The following MYRIP variants were observed in gnomAD, a reference collection of about 807,000 sequenced individuals.
The protein encoded by MYRIP is rab effector MyRIP.
In MYRIP, 49 loss-of-function variants were observed where a neutral mutation model predicts 98.0. The ratio of observed to expected loss-of-function variants is 0.50; its 90% CI spans 0.40 to 0.63. MYRIP has a LOEUF of 0.63. Ranked by LOEUF, MYRIP falls within the 30% of genes least tolerant of loss-of-function variation. The pLI is 0.00. For synonymous variants in MYRIP, 404 were observed against 409.5 expected (o/e 0.99, Z 0.16); for missense variants, 1,004 against 1,058.2 (o/e 0.95, Z 0.71).
At chr3:40,200,213 A>T (rs2125645226) in intron 10 of MYRIP, among the ~76,000 whole-genome samples, 1 of 151,402 alleles carries the variant, frequency 6.6e-6, no homozygotes, top group South Asian at 2.1e-4. Flanking sequence ...ACAGTGGAAG[A>T]AGAAGAATTG....
chr3:39,816,395 C>T (rs552944684), intron 1 of MYRIP, among the ~76,000 whole-genome samples: 14 of 152,196 alleles, frequency 9.2e-5, no homozygotes, highest in Non-Finnish European at 1.8e-4. Flanking sequence ...TTTGCCTTTT[C>T]AAATCATACT....
chr3:40,181,324 T>C (rs1950878600), intron 8 of MYRIP, among the ~76,000 whole-genome samples: 2 of 152,094 alleles, frequency 1.3e-5, no homozygotes, highest in South Asian at 4.1e-4. Flanking sequence ...TCTCCTAGGC[T>C]AGGTACCTGT....
intron 1 of MYRIP, among the ~76,000 whole-genome samples, chr3:39,826,568 A>C (rs1272055216): frequency 6.6e-6 from 1 of 152,156 alleles, no homozygotes; most frequent in Non-Finnish European, 1.5e-5. Flanking sequence ...TTTGTGTCCT[A>C]ACATATGGTC....
chr3:39,875,428 A>G (rs1354496759), intron 1 of MYRIP, among the ~76,000 whole-genome samples: 1 of 150,358 alleles, frequency 6.7e-6, no homozygotes, highest in East Asian at 2.0e-4. Context: ...TTTAATTGTG[A>G]TGTTAGGGTG....
chr3:40,119,266 G>A (rs904449921), intron 3 of MYRIP, among the ~76,000 whole-genome samples: 1 of 151,908 alleles, frequency 6.6e-6, no homozygotes, highest in Admixed American at 6.6e-5. Flanking sequence ...TTTAATGATT[G>A]CCATTCTAAC....
chr3:40,046,811 C>T (rs1024860536), intron 3 of MYRIP, among the ~76,000 whole-genome samples: 2 of 151,968 alleles, frequency 1.3e-5, no homozygotes, highest in African/African-American at 2.4e-5. Flanking sequence ...TGTGCTTCAG[C>T]ATATTCCCCC....
At chr3:39,845,079 G>A (rs1941921393) in intron 1 of MYRIP, among the ~76,000 whole-genome samples, 1 of 152,120 alleles carries the variant, frequency 6.6e-6, no homozygotes, top group African/African-American at 2.4e-5. Flanking sequence ...CCTCTTTTTT[G>A]ACTGAAAGGC....
intron 1 of MYRIP, among the ~76,000 whole-genome samples, chr3:39,835,529 G>A (rs2125588637): frequency 6.6e-6 from 1 of 152,156 alleles, no homozygotes; most frequent in East Asian, 1.9e-4. Flanking sequence ...TATAATTTTT[G>A]ATGCTACAGA....
intron 1 of MYRIP, among the ~76,000 whole-genome samples, chr3:39,833,308 G>C (rs1244923767): frequency 6.6e-6 from 1 of 152,032 alleles, no homozygotes; most frequent in South Asian, 2.1e-4. Context: ...TGGGTTGGGG[G>C]GTTAATGAAA....
chr3:40,164,011 A>G (rs901473096), intron 5 of MYRIP, among the ~76,000 whole-genome samples: 6 of 149,860 alleles, frequency 4.0e-5, no homozygotes, highest in Middle Eastern at 3.3e-3. Context: ...ATCTCATCCC[A>G]GAGTTCTACA....
chr3:40,232,069 G>A (rs1952677157), intron 11 of MYRIP, among the ~76,000 whole-genome samples: 1 of 152,166 alleles, frequency 6.6e-6, no homozygotes, highest in South Asian at 2.1e-4. Context: ...AGTTGGCTCT[G>A]GCTGTTCTCT....
rs534958286 is a variant in MYRIP, at chr3:39,949,678, G to A, written c.110+48752G>A. 1.3e-3 allele frequency among the ~76,000 whole-genome samples: 191 copies of A among 152,102 alleles called. 1 individual carries two copies. Among genetic ancestry groups the A allele is most frequent in the African/African-American group, 4.4e-3 (182 of 41,498 alleles). ...CAGAATCCACCTCCTTTTCACTTTT[G>A]AAATGTGGAATGACATTGATCTGAC... is the stretch of plus-strand genomic sequence containing the variant. On this transcript the variant is annotated intron_variant, in intron 2 of 16. Transcript: ENST00000302541.
chr3:39,957,196 T>C (rs1262966746), intron 2 of MYRIP, among the ~76,000 whole-genome samples: 2 of 151,820 alleles, frequency 1.3e-5, no homozygotes, highest in African/African-American at 2.4e-5. Flanking sequence ...AGCATCATCC[T>C]GATACCAAAG....
intron 2 of MYRIP, among the ~76,000 whole-genome samples, chr3:39,921,164 G>A (rs1944293894): frequency 6.6e-6 from 1 of 152,120 alleles, no homozygotes; most frequent in Admixed American, 6.5e-5. Context: ...GGAATTTTGG[G>A]GCTAAAGTGG....
At chr3:39,884,683 T>G (rs1336964709) in intron 1 of MYRIP, among the ~76,000 whole-genome samples, 1 of 152,162 alleles carries the variant, frequency 6.6e-6, no homozygotes, top group Non-Finnish European at 1.5e-5. Context: ...TCTTGCTTTT[T>G]GTACTTAACC....
intron 2 of MYRIP, among the ~76,000 whole-genome samples, chr3:39,910,340 G>A (rs1406669820): frequency 6.6e-6 from 1 of 152,198 alleles, no homozygotes; most frequent in Non-Finnish European, 1.5e-5. Flanking sequence ...ACTGCCCTTG[G>A]TACTGAAAAC....
In MYRIP at chr3:40,258,490, AT is replaced by A; in HGVS notation, c.*325del. The A allele has an allele frequency of 3.3e-6, 1 of 303,938 alleles. No individual in the cohort carries two copies. The highest frequency in any genetic ancestry group is 5.5e-5 in the East Asian group (1 of 18,172). The allele number at this position is 303,938 out of a possible 1,614,324, so 18.8% of individuals were successfully genotyped here. A position where few individuals can be genotyped will look rare whatever the true frequency, so the allele number is the denominator to read the frequency against. On this transcript the variant is annotated 3_prime_UTR_variant, in exon 17 of 17. Transcript: ENST00000302541. ...TTTGCTACTGTATGTTGACTTTAAG[AT>A]CTTTTTTTAAATACATTTGATTCAG...
chr3:40,105,740 A>G (rs1159189319), intron 3 of MYRIP, among the ~76,000 whole-genome samples: 1 of 152,166 alleles, frequency 6.6e-6, no homozygotes, highest in Non-Finnish European at 1.5e-5. Context: ...GAAGGGGAAG[A>G]AAGGACCTTC....
At position 39,956,432 on chromosome 3, in the gene MYRIP, G is replaced by C. The variant is rs571529167; in HGVS notation, c.110+55506G>C. Among the ~76,000 whole-genome samples the C allele has an allele frequency of 1.1e-4, 16 of 152,088 alleles. No individual in the cohort carries two copies. In the South Asian group the frequency reaches 2.3e-3, roughly 22 times the overall value. On this transcript the variant is annotated intron_variant, in intron 2 of 16. Coordinates refer to ENST00000302541, the MANE Select transcript of MYRIP (RefSeq NM_015460.4). ...ACAACCTGCTCCTGAATGACTAATG[G>C]GTACATAACAAAATGAAGGCAGAAA...
Sources: allele counts gnomAD v4.1 joint callset (sites outside exome capture counted in the v4.1 genomes callset), GRCh38; gene constraint gnomAD v4.1.1; transcripts MANE v1.5; gene names NCBI Gene and HGNC (gene_info 2026-07-23, HGNC 2026-07-21).